Variants in ALOX12 observed in about 807,000 individuals in gnomAD.
ALOX12 encodes the protein arachidonate 12-lipoxygenase, 12S type, also known as polyunsaturated fatty acid lipoxygenase ALOX12.
A neutral mutation model predicts 85.5 loss-of-function variants in ALOX12; 62 were observed. The observed-to-expected ratio is 0.73, with a 90% CI of 0.59 to 0.90. The LOEUF (loss-of-function observed/expected upper bound fraction) is 0.90. Among genes scored for constraint, ALOX12 ranks in the 40% least tolerant of loss-of-function variants. ALOX12 has a pLI of 0.00. For missense variants in ALOX12, 751 were observed against 856.5 expected, an observed-to-expected ratio of 0.88 and a Z score of 1.54; for synonymous variants, 299 against 332.7, an observed-to-expected ratio of 0.90 and a Z score of 1.10.
At chr17:7,003,769 G>A (rs148513128) in intron 8 of ALOX12, among the ~76,000 whole-genome samples, 1 of 152,194 alleles carries the variant, frequency 6.6e-6, no homozygotes, top group East Asian at 1.9e-4. Flanking sequence ...TTATCCTTAG[G>A]CATCCTTTCT....
Position 7,010,063 on chromosome 17 carries a change from T to C in ALOX12, c.1749T>C (p.Asp583=), listed in dbSNP as rs770417314. Residue 583 remains aspartate, a synonymous_variant, in exon 13 of 14, where the codon GAT becomes GAC. Coordinates refer to ENST00000251535, the MANE Select transcript of ALOX12 (RefSeq NM_000697.3). ...CCACAGTGATGGGGTCACTACCTGA[T>C]GTCCGGCAGGCCTGTCTTCAAATGG... ...TMATVMGSLP[D]VRQACLQMAI... 2.5e-6 allele frequency: 4 copies of C among 1,614,214 alleles called. No homozygotes were observed. The Admixed American group carries it at 6.7e-5, about 27-fold the overall frequency.
intron 1 of ALOX12, 139 bp downstream of exon 1, chr17:6,996,391 C>G: frequency 9.5e-7 from 1 of 1,054,912 alleles, no homozygotes; most frequent in Non-Finnish European, 1.2e-6. Flanking sequence ...TTCCACGAAG[C>G]TGGGACGAGG....
chr17:7,006,062 G>GTT lies in ALOX12; in HGVS notation c.1418+35_1418+36insTT, dbSNP rs761588006. 21 of 171,076 alleles carry GTT rather than the reference G, an allele frequency of 1.2e-4. 1 individual carries two copies. The highest frequency in any genetic ancestry group is 2.2e-4 in the South Asian group (5 of 23,026). 10.6% of individuals were successfully genotyped at this position (171,076 alleles called of 1,614,324 possible). A position where few individuals can be genotyped will look rare whatever the true frequency, so the allele number is the denominator to read the frequency against. On this transcript the variant is annotated intron_variant, in intron 10 of 13. Coordinates refer to ENST00000251535, the MANE Select transcript of ALOX12 (RefSeq NM_000697.3). ...GAGGAGCTGAGAAATGGTGGGGCCG[G>GTT]GGGGGGGGGGGGCTCTGGCCTGAGG...
chr17:7,009,914 C>T, intron 12 of ALOX12, 42 bp from the exon 13 acceptor site: 2 of 1,614,060 alleles, frequency 1.2e-6, no homozygotes, highest in Non-Finnish European at 1.7e-6. Context: ...GGAGTTCAAA[C>T]CCTAAGTACC....
chr17:7,004,334 T>C (rs1029964550), intron 8 of ALOX12, among the ~76,000 whole-genome samples: 1 of 26,868 alleles, frequency 3.7e-5, no homozygotes, highest in African/African-American at 8.8e-5. Flanking sequence ...TAATTTAATA[T>C]TAAATTAAAT....
rs764119935 is a variant in ALOX12, at chr17:7,010,352, C to T, written c.1921C>T (p.Arg641Trp). 17 of 1,614,044 alleles carry T rather than the reference C, an allele frequency of 1.1e-5. No homozygotes were observed. Among genetic ancestry groups the T allele is most frequent in the East Asian group, 4.5e-5 (2 of 44,902 alleles). ...AAAGCTGGAAAAGGAGATTACAGCC[C>T]GGAATGAGCAACTTGACTGGCCCTA... ...LEKLEKEITA[R>W]NEQLDWPYEY... The change falls in exon 14 of 14, where the codon CGG becomes TGG. Residue 641 changes from arginine (R) to tryptophan (W), a missense_variant. Physicochemically the swap from Arg to Trp is moderately radical, Grantham distance 101. Transcript: ENST00000251535.
chr17:7,010,564 C>G lies in ALOX12; in HGVS notation c.*141C>G. On this transcript the variant is annotated 3_prime_UTR_variant, in exon 14 of 14. Coordinates refer to ENST00000251535, the MANE Select transcript of ALOX12 (RefSeq NM_000697.3). ...TTAAACCCCCTACATTAGTATCCCA[C>G]TAGCCCAGGGGAGCAGTAAACTTTC... is the stretch of plus-strand genomic sequence containing the variant. 9.6e-7 allele frequency: 1 copy of G among 1,045,578 alleles called. No homozygotes were observed. Among genetic ancestry groups the G allele is most frequent in the Non-Finnish European group, 1.3e-6 (1 of 746,334 alleles). The allele number at this position is 1,045,578 out of a possible 1,614,324, so 64.8% of individuals were successfully genotyped here.
At chr17:7,009,091 G>A (rs897642218) in intron 11 of ALOX12, among the ~76,000 whole-genome samples, 9 of 142,854 alleles carry the variant, frequency 6.3e-5, no homozygotes, top group Admixed American at 4.5e-4. Context: ...ACAGACTCTC[G>A]TTGTGTCGCC....
intron 2 of ALOX12, 108 bp from the exon 3 acceptor site, chr17:6,998,401 G>GTGCA: frequency 1.3e-6 from 1 of 747,294 alleles, no homozygotes; most frequent in Non-Finnish European, 2.3e-6. Context: ...AAAAGCAACA[G>GTGCA]TGCATGGCTG....
chr17:7,001,346 C>A (rs946710255), intron 7 of ALOX12: 1 of 530,630 alleles, frequency 1.9e-6, no homozygotes, highest in Non-Finnish European at 3.4e-6. Context: ...TGAGCGCCGA[C>A]CCCAAAGCAG....
chr17:6,997,848 C>A lies in ALOX12; in HGVS notation c.338-661C>A, dbSNP rs554042287. 3.9e-4 allele frequency among the ~76,000 whole-genome samples: 60 copies of A among 152,166 alleles called. No individual in the cohort carries two copies. The East Asian group carries it at 8.3e-3, about 21-fold the overall frequency. ...GTGCTGGGATTACAGGCTTGAGCCACCACGCCCGGCCCAAATAGTGAATTT... is the reference window on the plus strand; with the variant it reads ...GTGCTGGGATTACAGGCTTGAGCCAACACGCCCGGCCCAAATAGTGAATTT... On this transcript the variant is annotated intron_variant, in intron 2 of 13. Coordinates refer to ENST00000251535, the MANE Select transcript of ALOX12 (RefSeq NM_000697.3).
chr17:7,001,914 G>A (rs1032127807), intron 8 of ALOX12, 103 bp downstream of exon 8: 6 of 960,872 alleles, frequency 6.2e-6, no homozygotes, highest in Non-Finnish European at 7.9e-6. Context: ...GTAGCAATTT[G>A]TGAGTGAAGA....
chr17:7,005,449 G>A, intron 9 of ALOX12, 106 bp downstream of exon 9: 1 of 730,518 alleles, frequency 1.4e-6, no homozygotes, highest in African/African-American at 1.8e-5. Context: ...CTTAACCTAT[G>A]AACCTGTCCC....
chr17:7,000,798 C>G lies in ALOX12; in HGVS notation c.951+319C>G, dbSNP rs1426273022. ...GACCAGACTTTCTGATTCAGTATGT[C>G]TGGGGTGGGAACTAAGAGTTTGCGT... is the stretch of plus-strand genomic sequence containing the variant. On this transcript the variant is annotated intron_variant, in intron 7 of 13. Transcript: ENST00000251535. This position sits in a 1 kb window ranked among gnomAD's most constrained non-coding sequence, Gnocchi z 4.6. Among the ~76,000 whole-genome samples, 1 of 152,116 alleles carries G rather than the reference C, an allele frequency of 6.6e-6. No individual in the cohort carries two copies. Among genetic ancestry groups the G allele is most frequent in the African/African-American group, 2.4e-5 (1 of 41,406 alleles).
At chr17:7,010,182 G>C in intron 13 of ALOX12, 56 bp downstream of exon 13, 1 of 1,598,752 alleles carries the variant, frequency 6.3e-7, no homozygotes, top group Non-Finnish European at 8.5e-7. Flanking sequence ...ACATCAGAGT[G>C]AGGGGCTGGG....
At position 7,005,944 on chromosome 17, in the gene ALOX12, C is replaced by A. The variant is rs946205187; in HGVS notation, c.1335C>A (p.Asp445Glu). Residue 445 changes from aspartate to glutamate, a missense_variant, in exon 10 of 14, where the codon GAC (aspartate) becomes GAA (glutamate). Coordinates refer to ENST00000251535, the MANE Select transcript of ALOX12 (RefSeq NM_000697.3). ...CCTACTGCTCCCTCTGTCCTCCTGACGACCTGGCTGACCGGGGCCTGCTGG... is the reference window on the plus strand; with the variant it reads ...CCTACTGCTCCCTCTGTCCTCCTGAAGACCTGGCTGACCGGGGCCTGCTGG... ...QLTYCSLCPP[D>E]DLADRGLLGL... 1.9e-6 allele frequency: 3 copies of A among 1,613,284 alleles called. No homozygotes were observed. The highest frequency in any genetic ancestry group is 2.2e-5 in the East Asian group (1 of 44,830).
intron 9 of ALOX12, 56 bp from the exon 10 acceptor site, chr17:7,005,802 T>C (rs1909013680): frequency 1.9e-6 from 3 of 1,560,834 alleles, no homozygotes; most frequent in Non-Finnish European, 2.6e-6. Flanking sequence ...TTATGGAAGA[T>C]GTGTTGGTTC....
chr17:7,001,760 C>G lies in ALOX12; in HGVS notation c.1110C>G (p.Val370=), dbSNP rs751558695. 6.2e-7 allele frequency: 1 copy of G among 1,614,082 alleles called. No individual in the cohort carries two copies. Among genetic ancestry groups the G allele is most frequent in the East Asian group, 2.2e-5 (1 of 44,874 alleles). Reference sequence around the variant, plus strand: ...TGAACACTCACCTGGTGGCTGAGGTCATCGCTGTCGCCACCATGCGGTGCC... The same window carrying G: ...TGAACACTCACCTGGTGGCTGAGGTGATCGCTGTCGCCACCATGCGGTGCC... ...HLLNTHLVAE[V]IAVATMRCLP... Residue 370 remains valine (V), a synonymous_variant, in exon 8 of 14, where the codon GTC becomes GTG. Transcript: ENST00000251535.
intron 8 of ALOX12, among the ~76,000 whole-genome samples, chr17:7,004,095 T>TTTAATTTAATTTAA (rs1908864546): frequency 7.3e-6 from 1 of 137,740 alleles, no homozygotes; most frequent in Non-Finnish European, 1.6e-5. Context: ...AAAATTTTAA[T>TTTAATTTAATTTAA]TTAATATTAA....
Sources: allele counts gnomAD v4.1 joint callset (sites outside exome capture counted in the v4.1 genomes callset), GRCh38; gene constraint gnomAD v4.1.1; non-coding constraint Gnocchi (gnomAD v3.1); transcripts MANE v1.5; gene names NCBI Gene and HGNC (gene_info 2026-07-23, HGNC 2026-07-21).